Variants in RIMBP2 observed in about 807,000 individuals in gnomAD.
The protein encoded by RIMBP2 is RIMS binding protein 2.
RIMBP2 carries 48 observed loss-of-function variants against 118.6 expected under a neutral mutation model. That is an observed-to-expected ratio of 0.40 (90% CI 0.32 to 0.51). The LOEUF (loss-of-function observed/expected upper bound fraction) is 0.51. Ranked by LOEUF, RIMBP2 falls within the 20% of genes least tolerant of loss-of-function variation. The pLI, the probability that RIMBP2 is intolerant of heterozygous loss-of-function variation, is 0.41. For missense variants in RIMBP2, 1,551 were observed against 1,768.3 expected, an observed-to-expected ratio of 0.88 and a Z score of 2.20; for synonymous variants, 762 against 742.9, an observed-to-expected ratio of 1.03 and a Z score of -0.42.
chr12:130,606,377 C>T (rs939867700), intron 2 of RIMBP2, among the ~76,000 whole-genome samples: 1 of 152,168 alleles, frequency 6.6e-6, no homozygotes, highest in East Asian at 1.9e-4. Flanking sequence ...AAAAAGGAAG[C>T]ATGGGGTTTG....
At chr12:130,582,141 G>C (rs1423988047) in intron 2 of RIMBP2, among the ~76,000 whole-genome samples, 1 of 152,134 alleles carries the variant, frequency 6.6e-6, no homozygotes, top group Non-Finnish European at 1.5e-5. Flanking sequence ...CTCCTCTGCT[G>C]TCTCCATAGC....
At chr12:130,407,891 C>G in intron 19 of RIMBP2, 62 bp from the exon 20 acceptor site, 1 of 1,463,214 alleles carries the variant, frequency 6.8e-7, no homozygotes, top group Non-Finnish European at 9.5e-7. Flanking sequence ...TAGCGGTGTT[C>G]CCCTCCTTCC....
chr12:130,404,928 T>C (rs2136335376), intron 21 of RIMBP2, among the ~76,000 whole-genome samples: 1 of 152,300 alleles, frequency 6.6e-6, no homozygotes, highest in South Asian at 2.1e-4. Flanking sequence ...TTAAAACGTA[T>C]TCATTTTTTA....
At chr12:130,401,129 A>T (rs996493957) in intron 21 of RIMBP2, among the ~76,000 whole-genome samples, 1 of 151,348 alleles carries the variant, frequency 6.6e-6, no homozygotes, top group African/African-American at 2.4e-5. Context: ...TTTTTTTTTT[A>T]AATTGAGACA....
At chr12:130,657,098 A>G (rs914312662) in intron 1 of RIMBP2, among the ~76,000 whole-genome samples, 4 of 152,090 alleles carry the variant, frequency 2.6e-5, no homozygotes, top group African/African-American at 9.7e-5. Flanking sequence ...GGGTCTTGCT[A>G]TGTTGTTCAG....
intron 3 of RIMBP2, among the ~76,000 whole-genome samples, chr12:130,513,342 G>A (rs929087247): frequency 6.6e-6 from 1 of 152,162 alleles, no homozygotes; most frequent in Non-Finnish European, 1.5e-5. Context: ...AGAGTGAACT[G>A]TTCTTCACTT....
intron 19 of RIMBP2, among the ~76,000 whole-genome samples, chr12:130,411,295 GA>G (rs1242043082): frequency 5.5e-4 from 83 of 152,062 alleles, no homozygotes; most frequent in African/African-American, 1.8e-3. Flanking sequence ...TGTCATCTGT[GA>G]ACAGAAAAAG....
At chr12:130,472,143 C>T (rs1593428961) in intron 5 of RIMBP2, 1 of 152,380 alleles carries the variant, frequency 6.6e-6, no homozygotes, top group Admixed American at 6.5e-5. Flanking sequence ...TTGGATTCTA[C>T]TGGGTCTGAG....
At chr12:130,605,862 G>A (rs529986865) in intron 2 of RIMBP2, among the ~76,000 whole-genome samples, 9 of 152,202 alleles carry the variant, frequency 5.9e-5, no homozygotes, top group East Asian at 5.8e-4. Flanking sequence ...TCAGGAGTTC[G>A]ACACCAGCCT....
intron 1 of RIMBP2, among the ~76,000 whole-genome samples, chr12:130,657,570 A>C (rs2063481521): frequency 6.6e-6 from 1 of 152,208 alleles, no homozygotes; most frequent in Admixed American, 6.5e-5. Flanking sequence ...ATGCAGCGGC[A>C]TCCACCGGCA....
At chr12:130,520,050 C>G (rs988677503) in intron 2 of RIMBP2, among the ~76,000 whole-genome samples, 1 of 152,158 alleles carries the variant, frequency 6.6e-6, no homozygotes, top group Non-Finnish European at 1.5e-5. Flanking sequence ...ATCCGCCTCT[C>G]TCTGCATCGC....
intron 3 of RIMBP2, among the ~76,000 whole-genome samples, chr12:130,508,313 T>C (rs781134445): frequency 7.9e-5 from 12 of 151,926 alleles, no homozygotes; most frequent in Non-Finnish European, 1.2e-4. Context: ...CTTGAAACCT[T>C]CTGTGGTTTC....
At chr12:130,518,435 G>A (rs1406678222) in intron 2 of RIMBP2, among the ~76,000 whole-genome samples, 2 of 152,182 alleles carry the variant, frequency 1.3e-5, no homozygotes, top group African/African-American at 4.8e-5. Context: ...TAAGAGTCCA[G>A]CTTTTTCAAG....
At chr12:130,711,823 C>T (rs986371415) in intron 1 of RIMBP2, among the ~76,000 whole-genome samples, 5 of 152,204 alleles carry the variant, frequency 3.3e-5, no homozygotes, top group African/African-American at 9.7e-5. Context: ...TAGGTGATTT[C>T]GTCACTGAGC....
intron 2 of RIMBP2, among the ~76,000 whole-genome samples, chr12:130,559,451 T>C (rs2056637747): frequency 6.6e-6 from 1 of 152,196 alleles, no homozygotes; most frequent in South Asian, 2.1e-4. Flanking sequence ...TCACTTAGCA[T>C]AGTGTCTCCC....
intron 1 of RIMBP2, among the ~76,000 whole-genome samples, chr12:130,702,667 C>T (rs2065917083): frequency 6.6e-6 from 1 of 152,136 alleles, no homozygotes; most frequent in Admixed American, 6.5e-5. Flanking sequence ...GAGAGCAAGA[C>T]AGGCTGTGTG....
chr12:130,665,025 C>T (rs1027522495), intron 1 of RIMBP2, among the ~76,000 whole-genome samples: 3 of 151,556 alleles, frequency 2.0e-5, no homozygotes, highest in Admixed American at 6.6e-5. Context: ...TGGAGTCCGA[C>T]GAGGAACCAG....
At chr12:130,483,646 T>C (rs965161584) in intron 4 of RIMBP2, among the ~76,000 whole-genome samples, 1 of 147,608 alleles carries the variant, frequency 6.8e-6, no homozygotes, top group Non-Finnish European at 1.5e-5. Flanking sequence ...CACCCTCACC[T>C]ACACACAGTG....
chr12:130,424,128 T>C lies in RIMBP2; in HGVS notation c.3129+14A>G. On this transcript the variant is annotated intron_variant, in intron 16 of 22. Coordinates refer to ENST00000690449, the MANE Select transcript of RIMBP2 (RefSeq NM_001393629.1). The surrounding 1 kb of genome is among the most constrained non-coding windows in gnomAD (Gnocchi z 9.8). The stretch of plus-strand genomic sequence containing the variant: ...TTGGCAAGCGGCTGTGAAAAGGAAG[T>C]TTAGGTCACACACCAGGGGGCCTTG... 1 of 1,218,590 alleles carries C rather than the reference T, an allele frequency of 8.2e-7. No homozygotes were observed. The highest frequency in any genetic ancestry group is 1.0e-6 in the Non-Finnish European group (1 of 975,636). The allele number at this position is 1,218,590 out of a possible 1,614,324, so 75.5% of individuals were successfully genotyped here.
Sources: allele counts gnomAD v4.1 joint callset (sites outside exome capture counted in the v4.1 genomes callset), GRCh38; gene constraint gnomAD v4.1.1; non-coding constraint Gnocchi (gnomAD v3.1); transcripts MANE v1.5; gene names NCBI Gene and HGNC (gene_info 2026-07-23, HGNC 2026-07-21).